The following TAF15 variants were observed in gnomAD, a reference collection of about 807,000 sequenced individuals.
TAF15 encodes the protein TATA-binding protein-associated factor 2N.
TAF15 carries 37 observed loss-of-function variants against 102.5 expected under a neutral mutation model. The observed-to-expected ratio is 0.36, with a 90% CI of 0.28 to 0.47. The LOEUF (loss-of-function observed/expected upper bound fraction) is 0.47. Ranked by LOEUF, TAF15 falls within the 20% of genes least tolerant of loss-of-function variation. TAF15 has a pLI of 0.99. For synonymous variants in TAF15, 273 were observed against 259.2 expected, an observed-to-expected ratio of 1.05 and a Z score of -0.51; for missense variants, 652 against 760.7, an observed-to-expected ratio of 0.86 and a Z score of 1.68.
chr17:35,809,644 GC>G, intron 1 of TAF15, 68 bp downstream of exon 1: 1 of 1,607,718 alleles, frequency 6.2e-7, no homozygotes, highest in Non-Finnish European at 8.5e-7. Context: ...CTGTCTTCCC[GC>G]CCACCGGAGG....
Position 35,844,935 on chromosome 17 carries a change from AGTGGAGGCTATGGAGGAGACAGGAGTG to A in TAF15, c.1641_1667del (p.Ser554_Arg562del), listed in dbSNP as rs777765892. ...TGGCAGTGGCTACGGTGGAGACCGAAGTGGAGGCTATGGAGGAGACAGGAGTGGTGGCGGCTATGGAGGAGACCGAGG... is the reference window on the plus strand; with the variant it reads ...TGGCAGTGGCTACGGTGGAGACCGAAGTGGCGGCTATGGAGGAGACCGAGG... On this transcript the variant is annotated inframe_deletion, in exon 15 of 16. Transcript: ENST00000605844. 1.4e-5 allele frequency: 23 copies of A among 1,607,978 alleles called. No individual in the cohort carries two copies. In the East Asian group the frequency reaches 1.8e-4, roughly 13 times the overall value.
intron 11 of TAF15, among the ~76,000 whole-genome samples, chr17:35,840,531 C>T (rs1197062042): frequency 7.3e-5 from 11 of 150,476 alleles, no homozygotes; most frequent in East Asian, 6.0e-4. Flanking sequence ...GGATTACAGG[C>T]GCTCACCACC....
chr17:35,828,777 TAAAAAAAA>T (rs11348556), intron 7 of TAF15, among the ~76,000 whole-genome samples: 1 of 136,496 alleles, frequency 7.3e-6, no homozygotes, highest in African/African-American at 2.7e-5. Flanking sequence ...TTCAAATGTT[TAAAAAAAA>T]AAAAAAAAAA....
chr17:35,843,246 C>T (rs1393661147), intron 12 of TAF15, among the ~76,000 whole-genome samples: 1 of 151,934 alleles, frequency 6.6e-6, no homozygotes, highest in Non-Finnish European at 1.5e-5. Flanking sequence ...GCCTCAGCGT[C>T]CCAAGTAGCT....
chr17:35,824,910 T>C (rs1349412468), intron 7 of TAF15, among the ~76,000 whole-genome samples: 2 of 146,936 alleles, frequency 1.4e-5, no homozygotes, highest in African/African-American at 2.6e-5. Context: ...GCAAGTTTAC[T>C]ACTTTGACTG....
intron 1 of TAF15, among the ~76,000 whole-genome samples, chr17:35,814,227 G>A (rs770870972): frequency 7.9e-5 from 12 of 151,604 alleles, no homozygotes; most frequent in Non-Finnish European, 1.5e-4. Context: ...GTGCAGTGGC[G>A]CAATCTCGGC....
At chr17:35,846,099 T>C (rs2087620467) in intron 15 of TAF15, among the ~76,000 whole-genome samples, 2 of 152,212 alleles carry the variant, frequency 1.3e-5, no homozygotes, top group Admixed American at 6.5e-5. Flanking sequence ...TCAATTATTA[T>C]ACTAAGGACC....
rs148729963 is a variant in TAF15 at position 35,839,046 on chromosome 17, A to C, written c.913+493A>C. Among the ~76,000 whole-genome samples the C allele has an allele frequency of 5.6e-3, 846 of 152,172 alleles. 8 individuals are homozygous for C. Among genetic ancestry groups the C allele is most frequent in the African/African-American group, 0.019 (777 of 41,538 alleles). On this transcript the variant is annotated intron_variant, in intron 11 of 15. Transcript: ENST00000605844. ...TTTGGGAGGCTGAGGCAGGAGGATCAGTTCAGCTCAGGAGTTGGAGACCAG... is the reference window on the plus strand; with the variant it reads ...TTTGGGAGGCTGAGGCAGGAGGATCCGTTCAGCTCAGGAGTTGGAGACCAG...
chr17:35,814,815 T>C, intron 1 of TAF15, among the ~76,000 whole-genome samples: 1 of 151,462 alleles, frequency 6.6e-6, no homozygotes. Flanking sequence ...ATCGTGTCAC[T>C]GCACTCCATC....
chr17:35,811,325 C>T (rs2087121862), intron 1 of TAF15: 2 of 152,082 alleles, frequency 1.3e-5, no homozygotes, highest in Admixed American at 1.3e-4. Flanking sequence ...ACTAAGACAC[C>T]AGATATTTGT....
chr17:35,817,007 A>G (rs534710648), intron 1 of TAF15: 1 of 151,906 alleles, frequency 6.6e-6, no homozygotes, highest in Non-Finnish European at 1.5e-5. Context: ...TTTTGTAGAG[A>G]TGGGGTTTCG....
intron 8 of TAF15, chr17:35,834,283 C>T: frequency 4.7e-6 from 2 of 427,276 alleles, no homozygotes; most frequent in Non-Finnish European, 8.2e-6. Context: ...TAGGGTTGTC[C>T]AATCAGCCTT....
At chr17:35,812,644 G>A (rs1289677338) in intron 1 of TAF15, among the ~76,000 whole-genome samples, 1 of 145,024 alleles carries the variant, frequency 6.9e-6, no homozygotes, top group Non-Finnish European at 1.5e-5. Flanking sequence ...TCATGGTTTA[G>A]ATCACAAGGA....
rs369344232 is a variant in TAF15 at position 35,845,767 on chromosome 17, G to A, written c.1739+729G>A. On this transcript the variant is annotated intron_variant, in intron 15 of 15. Transcript: ENST00000605844. ...CTCCCAAAGTGGTGGGATTACAGGC[G>A]TGAGCCACTGTGCCTGTCCACCTGC... Among the ~76,000 whole-genome samples the A allele has an allele frequency of 2.8e-3, 424 of 152,276 alleles. 5 individuals carry two copies. The highest frequency in any genetic ancestry group is 9.9e-3 in the African/African-American group (410 of 41,548).
intron 15 of TAF15, among the ~76,000 whole-genome samples, chr17:35,845,661 C>T (rs958952382): frequency 6.6e-6 from 1 of 152,194 alleles, no homozygotes; most frequent in Non-Finnish European, 1.5e-5. Flanking sequence ...GGGCGCCCGC[C>T]ACCACGCCCG....
intron 1 of TAF15, chr17:35,816,615 T>A (rs981162916): frequency 8.5e-5 from 13 of 152,214 alleles, no homozygotes; most frequent in African/African-American, 2.9e-4. Context: ...AGCCATTTTT[T>A]GCAGTTGCAA....
intron 1 of TAF15, among the ~76,000 whole-genome samples, chr17:35,816,001 G>A (rs548382125): frequency 2.6e-5 from 4 of 151,846 alleles, no homozygotes; most frequent in Admixed American, 1.3e-4. Context: ...TCATTCTGTC[G>A]CTAAAGCTGG....
In TAF15 at chr17:35,844,127, C is replaced by G; in HGVS notation, c.1057C>G (p.Pro353Ala). ...AGGCTTTCAAGGGAGAGGTGGAGAC[C>G]CCAAAAGTGGGGATTGGGTTTGCCC... Reference protein sequence around the residue: ...RGGFQGRGGDPKSGDWVCPNP... With the variant: ...RGGFQGRGGDAKSGDWVCPNP... The change falls in exon 13 of 16, where the codon CCC becomes GCC. Residue 353 changes from proline to alanine, a missense_variant. By Grantham distance (27) the Pro-to-Ala change is conservative. Around this residue, in one of 3 missense-constraint regions of TAF15, gnomAD observed 368 missense variants for 367.5 expected, o/e 1.00. Transcript: ENST00000605844. The G allele has an allele frequency of 1.2e-6, 2 of 1,613,982 alleles. No homozygotes were observed. The highest frequency in any genetic ancestry group is 1.7e-6 in the Non-Finnish European group (2 of 1,180,018).
At chr17:35,833,804 T>C (rs983420830) in intron 7 of TAF15, 103 bp from the exon 8 acceptor site, 30 of 1,193,228 alleles carry the variant, frequency 2.5e-5, no homozygotes, top group Non-Finnish European at 3.3e-5. Context: ...TGCTACTGTT[T>C]TCCTAAGCAC....
Sources: allele counts gnomAD v4.1 joint callset (sites outside exome capture counted in the v4.1 genomes callset), GRCh38; gene constraint gnomAD v4.1.1; regional missense constraint gnomAD v4.1.1; transcripts MANE v1.5; gene names NCBI Gene and HGNC (gene_info 2026-07-23, HGNC 2026-07-21).